Variants in ZBTB7B observed in about 807,000 individuals in gnomAD.
ZBTB7B encodes zinc finger and BTB domain-containing protein 7B.
A neutral mutation model predicts 31.0 loss-of-function variants in ZBTB7B; 8 were observed. The observed-to-expected ratio is 0.26, with a 90% confidence interval of 0.15 to 0.47. The LOEUF is 0.47. Ranked by LOEUF, ZBTB7B falls within the 20% of genes least tolerant of loss-of-function variation. The probability of loss-of-function intolerance (pLI) is 0.99; values close to 1 mark genes in which losing one functional copy is unlikely to be tolerated. For synonymous variants in ZBTB7B, 261 were observed against 307.3 expected (o/e 0.85, Z 1.58); for missense variants, 494 against 742.4 (o/e 0.67, Z 3.89).
In ZBTB7B at chr1:155,015,316, T is replaced by C; in HGVS notation, c.656T>C (p.Leu219Pro). The C allele has an allele frequency of 5.6e-6, 9 of 1,608,178 alleles. No individual in the cohort carries two copies. Among genetic ancestry groups the C allele is most frequent in the Non-Finnish European group, 7.7e-6 (9 of 1,176,216 alleles). The change falls in exon 2 of 3, where the codon CTA (leucine) becomes CCA (proline). Residue 219 changes from leucine to proline, a missense_variant. By Grantham distance (98) the Leu-to-Pro change is moderately conservative. Transcript: ENST00000535420. Reference protein sequence around the residue: ...LQTKGARANHLVPEVPTVPAH... With the variant: ...LQTKGARANHPVPEVPTVPAH... ...ACCAAGGGGGCCAGAGCAAACCACC[T>C]AGTCCCTGAGGTGCCCACAGTGCCC...
intron 1 of ZBTB7B, among the ~76,000 whole-genome samples, chr1:155,012,607 G>A (rs1301613495): frequency 6.6e-6 from 1 of 152,000 alleles, no homozygotes; most frequent in Non-Finnish European, 1.5e-5. Flanking sequence ...CGGACTTACG[G>A]TGGGAACAGG....
At chr1:155,011,705 G>C (rs1658997606) in intron 1 of ZBTB7B, among the ~76,000 whole-genome samples, 2 of 152,226 alleles carry the variant, frequency 1.3e-5, no homozygotes, top group South Asian at 4.1e-4. Context: ...TAGCAAGAGG[G>C]GGCATGCCAG....
chr1:155,008,006 T>TC (rs1269100168), intron 1 of ZBTB7B, among the ~76,000 whole-genome samples: 5 of 152,106 alleles, frequency 3.3e-5, no homozygotes, highest in Non-Finnish European at 7.4e-5. Flanking sequence ...CCCATCCATG[T>TC]CTGGGCTCAG....
At position 155,016,595 on chromosome 1, in the gene ZBTB7B, C is replaced by T. The variant is rs1422260310; in HGVS notation, c.1530C>T (p.Pro510=). 3.1e-6 allele frequency: 5 copies of T among 1,613,476 alleles called. No individual in the cohort carries two copies. The highest frequency in any genetic ancestry group is 2.2e-5 in the South Asian group (2 of 91,042). The change falls in exon 3 of 3, where the codon CCC becomes CCT. Residue 510 remains proline, a synonymous_variant. Coordinates refer to ENST00000535420, the MANE Select transcript of ZBTB7B (RefSeq NM_001256455.2). This position sits in a 1 kb window ranked among gnomAD's most constrained non-coding sequence, Gnocchi z 4.3. ...RFWEQSAPTG[P]PVSTPGPPDD... ...GGGAGCAGTCAGCCCCCACTGGGCC[C>T]CCGGTCTCTACCCCAGGGCCCCCTG...
intron 1 of ZBTB7B, among the ~76,000 whole-genome samples, chr1:155,008,392 G>C (rs1451496492): frequency 6.6e-6 from 1 of 152,196 alleles, no homozygotes; most frequent in Non-Finnish European, 1.5e-5. Context: ...CCAGCTCCCA[G>C]GGGGACTGAG....
intron 1 of ZBTB7B, among the ~76,000 whole-genome samples, chr1:155,013,842 TG>T (rs1478919139): frequency 2.1e-5 from 1 of 46,598 alleles, no homozygotes; most frequent in Non-Finnish European, 4.4e-5. Flanking sequence ...CTTGGCCCCA[TG>T]GGGGAGGGGA....
chr1:155,011,242 G>A (rs534493270), intron 1 of ZBTB7B, among the ~76,000 whole-genome samples: 3 of 152,364 alleles, frequency 2.0e-5, no homozygotes, highest in South Asian at 2.1e-4. Context: ...GTTGGCCTTC[G>A]TGGCCCCCAG....
intron 1 of ZBTB7B, among the ~76,000 whole-genome samples, chr1:155,006,551 G>A (rs916460706): frequency 1.3e-5 from 2 of 152,162 alleles, no homozygotes; most frequent in African/African-American, 2.4e-5. Context: ...AAATGAAACA[G>A]TGATCCCCCA....
chr1:155,017,361 GGGCCCCGC>G lies in ZBTB7B; in HGVS notation c.*677_*684del, dbSNP rs1160843481. On this transcript the variant is annotated 3_prime_UTR_variant, in exon 3 of 3. Transcript: ENST00000535420. ...TCGCCTGCCCCTGGGGGCAGTAGAG[GGGCCCCGC>G]CCAGCTAGGGGAGCCGCTCCGTTCC... is the stretch of plus-strand genomic sequence containing the variant. The G allele has an allele frequency of 6.6e-6, 1 of 152,448 alleles. No individual in the cohort carries two copies. Among genetic ancestry groups the G allele is most frequent in the Non-Finnish European group, 1.5e-5 (1 of 68,324 alleles). The allele number at this position is 152,448 out of a possible 1,614,324, so 9.4% of individuals were successfully genotyped here. A position where few individuals can be genotyped will look rare whatever the true frequency, so the allele number is the denominator to read the frequency against.
chr1:155,012,363 C>T (rs1659050600), intron 1 of ZBTB7B, among the ~76,000 whole-genome samples: 1 of 152,116 alleles, frequency 6.6e-6, no homozygotes, highest in Non-Finnish European at 1.5e-5. Context: ...ACCCATCCCC[C>T]TTAGGAGGGA....
rs1309100156 is a variant in ZBTB7B at position 155,017,784 on chromosome 1, G to C, written c.*1099G>C. 6.6e-6 allele frequency: 1 copy of C among 152,338 alleles called. No individual in the cohort carries two copies. Among genetic ancestry groups the C allele is most frequent in the Non-Finnish European group, 1.5e-5 (1 of 68,072 alleles). 9.4% of individuals were successfully genotyped at this position (152,338 alleles called of 1,614,324 possible). On this transcript the variant is annotated 3_prime_UTR_variant, in exon 3 of 3. Coordinates refer to ENST00000535420, the MANE Select transcript of ZBTB7B (RefSeq NM_001256455.2). Reference sequence around the variant, plus strand: ...CCCCCTTGCCAAGGCAGTGGGCACAGAACTTCTCGCTTGGCCGCAGGGGAA... The same window carrying C: ...CCCCCTTGCCAAGGCAGTGGGCACACAACTTCTCGCTTGGCCGCAGGGGAA...
At chr1:155,015,932 G>A in intron 2 of ZBTB7B, 118 bp downstream of exon 2, 3 of 1,296,428 alleles carry the variant, frequency 2.3e-6, no homozygotes, top group Non-Finnish European at 2.1e-6. Context: ...AGGGACTGGG[G>A]CATGGGTGGG....
chr1:155,009,744 G>T (rs1658822375), intron 1 of ZBTB7B, among the ~76,000 whole-genome samples: 1 of 152,168 alleles, frequency 6.6e-6, no homozygotes, highest in Non-Finnish European at 1.5e-5. Flanking sequence ...GCAAGACCAG[G>T]CATTGGAAGG....
At chr1:155,014,338 G>A (rs1022789850) in intron 1 of ZBTB7B, 6 of 275,892 alleles carry the variant, frequency 2.2e-5, no homozygotes, top group Non-Finnish European at 4.1e-5. Context: ...CAGAAAGGCA[G>A]GGCTCCTGCT....
chr1:155,006,122 G>A (rs558637608), intron 1 of ZBTB7B, among the ~76,000 whole-genome samples: 51 of 152,310 alleles, frequency 3.3e-4, no homozygotes, highest in African/African-American at 1.2e-3. Flanking sequence ...CTAGGGAAAG[G>A]CACCCAGCTA....
rs945024960 is a variant in ZBTB7B, at chr1:155,017,722, C to G, written c.*1037C>G. On this transcript the variant is annotated 3_prime_UTR_variant, in exon 3 of 3. Coordinates refer to ENST00000535420, the MANE Select transcript of ZBTB7B (RefSeq NM_001256455.2). ...CCCCGCGGCCACTGGAGCGAGCTGT[C>G]TTCACGCTCCTCATCCACCCCAGCT... The G allele has an allele frequency of 8.5e-5, 13 of 152,378 alleles. No homozygotes were observed. Among genetic ancestry groups the G allele is most frequent in the African/African-American group, 2.9e-4 (12 of 41,458 alleles). The allele number at this position is 152,378 out of a possible 1,614,324, so 9.4% of individuals were successfully genotyped here. A position where few individuals can be genotyped will look rare whatever the true frequency, so the allele number is the denominator to read the frequency against.
In ZBTB7B at chr1:155,004,378, G is replaced by T. The variant is rs1394424694; in HGVS notation, c.-7+1435G>T. Among the ~76,000 whole-genome samples the T allele has an allele frequency of 6.6e-6, 1 of 152,194 alleles. No homozygotes were observed. The highest frequency in any genetic ancestry group is 1.5e-5 in the Non-Finnish European group (1 of 68,026). On this transcript the variant is annotated intron_variant, in intron 1 of 2. Coordinates refer to ENST00000535420, the MANE Select transcript of ZBTB7B (RefSeq NM_001256455.2). The surrounding 1 kb of genome is among the most constrained non-coding windows in gnomAD (Gnocchi z 4.0). ...CCGCTTATCAGGGACGGGGGAACCA[G>T]ATTGGGCTGTGAGGGGTTAAAGCAG...
At chr1:155,008,116 A>T (rs1658675361) in intron 1 of ZBTB7B, among the ~76,000 whole-genome samples, 1 of 152,036 alleles carries the variant, frequency 6.6e-6, no homozygotes. Flanking sequence ...TTCCCAGCAG[A>T]TGCCCCCTCC....
In ZBTB7B at chr1:155,016,721, C is replaced by G. The variant is rs755681195; in HGVS notation, c.*36C>G. 8.0e-7 allele frequency: 1 copy of G among 1,243,564 alleles called. No homozygotes were observed. Among genetic ancestry groups the G allele is most frequent in the Non-Finnish European group, 1.1e-6 (1 of 901,408 alleles). 77.0% of individuals were successfully genotyped at this position (1,243,564 alleles called of 1,614,324 possible). On this transcript the variant is annotated 3_prime_UTR_variant, in exon 3 of 3. Coordinates refer to ENST00000535420, the MANE Select transcript of ZBTB7B (RefSeq NM_001256455.2). This position sits in a 1 kb window ranked among gnomAD's most constrained non-coding sequence, Gnocchi z 4.3. ...GGGCCAGACTGAAGCAGCACAAGGCCGGGGACACCCATGCCAAGCAGTGGG... is the reference window on the plus strand; with the variant it reads ...GGGCCAGACTGAAGCAGCACAAGGCGGGGGACACCCATGCCAAGCAGTGGG...
Sources: gnomAD v4.1 joint callset for allele counts (sites outside exome capture counted in the v4.1 genomes callset) on GRCh38, gnomAD v4.1.1 for gene constraint, Gnocchi (gnomAD v3.1) non-coding constraint, MANE v1.5 for transcripts, NCBI Gene and HGNC (gene_info 2026-07-23, HGNC 2026-07-21) for gene names.